Variants in PI4KA observed in about 807,000 individuals in gnomAD.
The protein encoded by PI4KA is PI4-kinase alpha.
In PI4KA, 122 loss-of-function variants were observed where a neutral mutation model predicts 271.4. The ratio of observed to expected loss-of-function variants is 0.45; its 90% CI spans 0.39 to 0.52. The LOEUF (loss-of-function observed/expected upper bound fraction) is 0.52. PI4KA is among the 20% of genes least tolerant of loss of function. The probability of loss-of-function intolerance (pLI) is 0.00; values close to 1 mark genes in which losing one functional copy is unlikely to be tolerated. For missense variants in PI4KA, 1,969 were observed against 2,769.1 expected (o/e 0.71, Z 6.48); for synonymous variants, 1,041 against 1,078.8 (o/e 0.96, Z 0.69).
Position 20,730,647 on chromosome 22 carries a change from T to G in PI4KA, c.4289-636A>C, listed in dbSNP as rs536384691. Among the ~76,000 whole-genome samples, 16 of 152,228 alleles carry G rather than the reference T, an allele frequency of 1.1e-4. No individual in the cohort carries two copies. The South Asian group carries it at 2.9e-3, about 28-fold the overall frequency. ...GTGCAATGGCGCGATCTCAGCTCAC[T>G]GCAACCTCTGCCTCCCGGGTTTAAG... On this transcript the variant is annotated intron_variant, in intron 36 of 54. Transcript: ENST00000255882.
At chr22:20,777,602 C>T (rs1040530606) in intron 19 of PI4KA, among the ~76,000 whole-genome samples, 3 of 152,214 alleles carry the variant, frequency 2.0e-5, no homozygotes, top group African/African-American at 7.2e-5. Flanking sequence ...GATCTTCCTG[C>T]CTTGGTCTCC....
intron 42 of PI4KA, among the ~76,000 whole-genome samples, chr22:20,725,096 C>A (rs1450226828): frequency 2.6e-5 from 4 of 152,204 alleles, no homozygotes; most frequent in Non-Finnish European, 5.9e-5. Flanking sequence ...TCTACAGACT[C>A]CAAGGCTAGC....
intron 8 of PI4KA, 41 bp from the exon 9 acceptor site, chr22:20,811,073 CAG>C: frequency 6.9e-7 from 1 of 1,452,744 alleles, no homozygotes; most frequent in Non-Finnish European, 9.7e-7. Flanking sequence ...CTGACATACA[CAG>C]AGACAGGAAT....
chr22:20,799,150 G>A lies in PI4KA; in HGVS notation c.1947C>T (p.Pro649=), dbSNP rs1935148789. The A allele has an allele frequency of 6.2e-7, 1 of 1,612,796 alleles. No homozygotes were observed. Among genetic ancestry groups the A allele is most frequent in the Non-Finnish European group, 8.5e-7 (1 of 1,179,432 alleles). The change falls in exon 16 of 55, where the codon CCC becomes CCT. Residue 649 remains proline (P), a synonymous_variant. Transcript: ENST00000255882. ...QILQQKFCQP[P]SPLDVLIIDQ... ...CAATAATCAGCACATCGAGGGGGGA[G>A]GGTGGCTGGCAGAATTTCTGCTGTA...
At chr22:20,793,023 AC>A in intron 19 of PI4KA, among the ~76,000 whole-genome samples, 169 bp downstream of exon 19, 2 of 152,250 alleles carry the variant, frequency 1.3e-5, no homozygotes, top group East Asian at 3.9e-4. Flanking sequence ...TGGTGGACAC[AC>A]CTATGGGGCT....
chr22:20,707,882 A>G lies in PI4KA; in HGVS notation c.*165T>C. 1.3e-6 allele frequency: 1 copy of G among 749,182 alleles called. No individual in the cohort carries two copies. Among genetic ancestry groups the G allele is most frequent in the Non-Finnish European group, 2.5e-6 (1 of 405,468 alleles). 46.4% of individuals were successfully genotyped at this position (749,182 alleles called of 1,614,324 possible). On this transcript the variant is annotated 3_prime_UTR_variant, in exon 55 of 55. Transcript: ENST00000255882. ...TGTCGCTGCAGTCCATGGCGTTACC[A>G]AGGCTGCGCCACCCACGTGCTGCCC... is the stretch of plus-strand genomic sequence containing the variant.
intron 23 of PI4KA, among the ~76,000 whole-genome samples, chr22:20,759,699 G>A (rs1931754775): frequency 6.6e-6 from 1 of 152,094 alleles, no homozygotes; most frequent in Non-Finnish European, 1.5e-5. Context: ...CCGAGTAGCT[G>A]GGACTACAGG....
chr22:20,786,872 C>T lies in PI4KA; in HGVS notation c.2328+6321G>A, dbSNP rs200548385. On this transcript the variant is annotated intron_variant, in intron 19 of 54. Coordinates refer to ENST00000255882, the MANE Select transcript of PI4KA (RefSeq NM_058004.4). Reference sequence around the variant, plus strand: ...GAATCTGACAACTTTCCTTTCCAAACAGTTCAAGCACCAAGGCACGATCAC... The same window carrying T: ...GAATCTGACAACTTTCCTTTCCAAATAGTTCAAGCACCAAGGCACGATCAC... 2.0e-4 allele frequency: 324 copies of T among 1,614,172 alleles called. 2 individuals carry two copies. The highest frequency in any genetic ancestry group is 7.5e-5 in the Non-Finnish European group (89 of 1,180,014).
intron 19 of PI4KA, among the ~76,000 whole-genome samples, chr22:20,769,364 C>T (rs1932775430): frequency 2.6e-5 from 4 of 152,114 alleles, no homozygotes; most frequent in Admixed American, 2.6e-4. Flanking sequence ...GAGATCTGCT[C>T]ACTCCTAAGA....
intron 43 of PI4KA, 151 bp downstream of exon 43, chr22:20,721,147 G>T (rs1317081308): frequency 2.6e-6 from 2 of 773,614 alleles, no homozygotes; most frequent in Non-Finnish European, 4.5e-6. Flanking sequence ...CCTGTGTGCT[G>T]AAAGGTGAGA....
At position 20,733,808 on chromosome 22, in the gene PI4KA, TC is replaced by T; in HGVS notation, c.4087del (p.Asp1363MetfsTer42). On this transcript the variant is annotated frameshift_variant, in exon 35 of 55. Transcript: ENST00000255882. LOFTEE classifies it high-confidence loss of function. ...LTLGLSLLHA[D>X]VVPNATIRNV... Reference sequence around the variant, plus strand: ...GCGGATGGTTGCATTTGGAACCACATCGGCATGCAGGAGGGACAGCCCCAGG... The same window carrying T: ...GCGGATGGTTGCATTTGGAACCACATGGCATGCAGGAGGGACAGCCCCAGG... The T allele has an allele frequency of 6.2e-7, 1 of 1,612,428 alleles. No homozygotes were observed. The highest frequency in any genetic ancestry group is 8.5e-7 in the Non-Finnish European group (1 of 1,179,856).
chr22:20,783,936 C>G, intron 19 of PI4KA: 1 of 1,613,960 alleles, frequency 6.2e-7, no homozygotes, highest in Non-Finnish European at 8.5e-7. Context: ...CCTAAAGGAA[C>G]CTTCTCATAA....
chr22:20,786,658 A>T (rs575475145), intron 19 of PI4KA, among the ~76,000 whole-genome samples: 1 of 152,166 alleles, frequency 6.6e-6, no homozygotes, highest in Non-Finnish European at 1.5e-5. Context: ...GACCACAGGC[A>T]CTGCCAAGAG....
intron 1 of PI4KA, among the ~76,000 whole-genome samples, chr22:20,841,546 A>G (rs1012624935): frequency 1.3e-5 from 2 of 152,214 alleles, no homozygotes; most frequent in African/African-American, 4.8e-5. Flanking sequence ...TGTGAAGTGA[A>G]GATACCAAAA....
intron 4 of PI4KA, among the ~76,000 whole-genome samples, chr22:20,823,790 A>C (rs1475036137): frequency 1.3e-5 from 2 of 152,034 alleles, no homozygotes; most frequent in African/African-American, 4.8e-5. Context: ...AATACAAAAC[A>C]AATTAGCTGG....
intron 3 of PI4KA, among the ~76,000 whole-genome samples, chr22:20,828,334 G>A (rs1271635785): frequency 6.6e-6 from 1 of 152,026 alleles, no homozygotes; most frequent in Admixed American, 6.6e-5. Flanking sequence ...TTCCTATCTG[G>A]ATGCCTTTTA....
At chr22:20,814,761 T>A (rs1438878977) in intron 7 of PI4KA, among the ~76,000 whole-genome samples, 8 of 143,996 alleles carry the variant, frequency 5.6e-5, no homozygotes, top group Admixed American at 6.9e-5. Flanking sequence ...AAAAAAAAAA[T>A]GACATAGCAA....
chr22:20,714,549 G>A (rs1382499153), intron 46 of PI4KA, 21 bp from the exon 47 acceptor site: 1 of 1,613,938 alleles, frequency 6.2e-7, no homozygotes, highest in Non-Finnish European at 8.5e-7. Context: ...CAAAAAGAAT[G>A]TGGCACCCAT....
intron 19 of PI4KA, among the ~76,000 whole-genome samples, chr22:20,769,861 G>A (rs1932794974): frequency 6.6e-6 from 1 of 152,168 alleles, no homozygotes; most frequent in African/African-American, 2.4e-5. Flanking sequence ...TGAGGCTTGT[G>A]ATCTTCCCAG....
Sources: gnomAD v4.1 joint callset for allele counts (sites outside exome capture counted in the v4.1 genomes callset) on GRCh38, gnomAD v4.1.1 for gene constraint, MANE v1.5 for transcripts, NCBI Gene and HGNC (gene_info 2026-07-23, HGNC 2026-07-21) for gene names.